ZNF609: variants seen among roughly 807,000 people sequenced by gnomAD.
The protein encoded by ZNF609 is zinc finger protein 609.
A neutral mutation model predicts 109.5 loss-of-function variants in ZNF609; 11 were observed. The ratio of observed to expected loss-of-function variants is 0.10; its 90% CI spans 0.06 to 0.17. The LOEUF is 0.17. Ranked by LOEUF, ZNF609 falls within the 10% of genes least tolerant of loss-of-function variation. The pLI is 1.00. For missense variants in ZNF609, 1,559 were observed against 1,772.4 expected (o/e 0.88, Z 2.16); for synonymous variants, 646 against 662.0 (o/e 0.98, Z 0.37).
intron 3 of ZNF609, among the ~76,000 whole-genome samples, chr15:64,656,392 A>G (rs1014937369): frequency 6.6e-6 from 1 of 152,128 alleles, no homozygotes. Context: ...ATTTTAATAT[A>G]TTAGCCCACC....
At chr15:64,651,084 C>T (rs1203324648) in intron 3 of ZNF609, among the ~76,000 whole-genome samples, 1 of 151,990 alleles carries the variant, frequency 6.6e-6, no homozygotes, top group Non-Finnish European at 1.5e-5. Flanking sequence ...GATTTACAGA[C>T]CCATCTCAAA....
chr15:64,647,096 A>G (rs1361320142), intron 3 of ZNF609, among the ~76,000 whole-genome samples: 2 of 151,822 alleles, frequency 1.3e-5, no homozygotes, highest in Non-Finnish European at 2.9e-5. Flanking sequence ...TGATCACACC[A>G]CTGCCATCCA....
intron 3 of ZNF609, among the ~76,000 whole-genome samples, chr15:64,657,021 G>T (rs926753009): frequency 6.6e-6 from 1 of 152,162 alleles, no homozygotes; most frequent in African/African-American, 2.4e-5. Context: ...CACTTTGGGA[G>T]GCTGAGGCAG....
intron 2 of ZNF609, among the ~76,000 whole-genome samples, chr15:64,541,934 T>G (rs1475952085): frequency 2.6e-5 from 4 of 152,026 alleles, no homozygotes; most frequent in Non-Finnish European, 4.4e-5. Context: ...AACGAGTCCA[T>G]TTTTTCCTTT....
At chr15:64,469,054 AAAC>A (rs1174133631) in intron 1 of ZNF609, among the ~76,000 whole-genome samples, 1 of 135,426 alleles carries the variant, frequency 7.4e-6, no homozygotes, top group South Asian at 2.2e-4. Flanking sequence ...AAAAAAAAAA[AAAC>A]AACACAATTC....
chr15:64,504,763 G>A (rs1246762948), intron 2 of ZNF609, among the ~76,000 whole-genome samples: 1 of 151,858 alleles, frequency 6.6e-6, no homozygotes, highest in Non-Finnish European at 1.5e-5. Context: ...TTACAGGCAT[G>A]AGCCACCACA....
intron 2 of ZNF609, among the ~76,000 whole-genome samples, chr15:64,524,563 CAAAAA>C (rs539781729): frequency 1.9e-3 from 185 of 99,984 alleles, no homozygotes; most frequent in Middle Eastern, 6.6e-3. Context: ...GACTCCATCT[CAAAAA>C]AAAAAAAAAA....
rs575936817 is a variant in ZNF609, at chr15:64,534,323, T to A, written c.747+34157T>A. On this transcript the variant is annotated intron_variant, in intron 2 of 9. Transcript: ENST00000326648. ...ACCACACCCAGCATTATTTATTTTT[T>A]TTTTTTAAGATAGAGTCTCGCTCTG... Among the ~76,000 whole-genome samples the A allele has an allele frequency of 6.6e-5, 10 of 151,772 alleles. No individual in the cohort carries two copies. In the East Asian group the frequency reaches 1.7e-3, roughly 27 times the overall value.
intron 1 of ZNF609, among the ~76,000 whole-genome samples, chr15:64,490,136 T>C (rs1326265905): frequency 1.3e-5 from 2 of 152,116 alleles, no homozygotes; most frequent in Non-Finnish European, 2.9e-5. Context: ...TTTTTTATTT[T>C]TATTTTTGTA....
chr15:64,529,764 C>A, intron 2 of ZNF609: 2 of 528,954 alleles, frequency 3.8e-6, no homozygotes, highest in Non-Finnish European at 7.1e-6. Context: ...GAGTTTCACT[C>A]TTGTTACCCA....
At chr15:64,625,454 A>AG (rs1895937405) in intron 3 of ZNF609, among the ~76,000 whole-genome samples, 1 of 151,718 alleles carries the variant, frequency 6.6e-6, no homozygotes, top group South Asian at 2.1e-4. Flanking sequence ...CCGGAGGTGG[A>AG]GGTTGCAGTG....
At position 64,545,806 on chromosome 15, in the gene ZNF609, C is replaced by G. The variant is rs183916938; in HGVS notation, c.747+45640C>G. Among the ~76,000 whole-genome samples, 7 of 152,262 alleles carry G rather than the reference C, an allele frequency of 4.6e-5. No individual in the cohort carries two copies. In the East Asian group the frequency reaches 1.2e-3, roughly 25 times the overall value. On this transcript the variant is annotated intron_variant, in intron 2 of 9. Coordinates refer to ENST00000326648, the MANE Select transcript of ZNF609 (RefSeq NM_015042.2). Reference sequence around the variant, plus strand: ...CAGCTTCTTTCACTTAATATAATCTCCTTGGAAGTTGTCTATGTTGTTGCA... The same window carrying G: ...CAGCTTCTTTCACTTAATATAATCTGCTTGGAAGTTGTCTATGTTGTTGCA...
chr15:64,569,577 G>T (rs185908471), intron 2 of ZNF609, among the ~76,000 whole-genome samples: 114 of 152,340 alleles, frequency 7.5e-4, no homozygotes, highest in African/African-American at 2.5e-3. Context: ...AGATACTTCT[G>T]AATATGTAAA....
At chr15:64,485,042 C>T (rs1052473050) in intron 1 of ZNF609, among the ~76,000 whole-genome samples, 1 of 152,054 alleles carries the variant, frequency 6.6e-6, no homozygotes, top group African/African-American at 2.4e-5. Flanking sequence ...TGTACTGCCA[C>T]GGAAATGCTG....
rs1333270069 is a variant in ZNF609, at chr15:64,683,254, AGT to A, written c.*1574_*1575del. 6.6e-6 allele frequency: 1 copy of A among 152,570 alleles called. No homozygotes were observed. Among genetic ancestry groups the A allele is most frequent in the African/African-American group, 2.4e-5 (1 of 41,408 alleles). The allele number at this position is 152,570 out of a possible 1,614,324, so 9.5% of individuals were successfully genotyped here. On this transcript the variant is annotated 3_prime_UTR_variant, in exon 10 of 10. Coordinates refer to ENST00000326648, the MANE Select transcript of ZNF609 (RefSeq NM_015042.2). ...GACACCAGTGTAGGCTGGAAAAGGGAGTGTGTGACCAGAGTGCCAAAAGTGAC... is the reference window on the plus strand; with the variant it reads ...GACACCAGTGTAGGCTGGAAAAGGGAGTGTGACCAGAGTGCCAAAAGTGAC...
chr15:64,474,545 T>G (rs1473015843), intron 1 of ZNF609, among the ~76,000 whole-genome samples: 1 of 152,148 alleles, frequency 6.6e-6, no homozygotes, highest in African/African-American at 2.4e-5. Flanking sequence ...TCATCTTCTA[T>G]ATATTATTGC....
At chr15:64,467,877 C>A (rs995700297) in intron 1 of ZNF609, among the ~76,000 whole-genome samples, 1 of 152,056 alleles carries the variant, frequency 6.6e-6, no homozygotes, top group African/African-American at 2.4e-5. Context: ...TTAAGTAACC[C>A]CTGTACTATA....
rs758017766 is a variant in ZNF609 at position 64,674,270 on chromosome 15, T to C, written c.1416T>C (p.Thr472=). ...RVRTNSMGSA[T]GPLPGTKVEP... ...GTACTAATTCCATGGGCTCAGCCAC[T>C]GGCCCCCTTCCTGGGACAAAGGTAG... The change falls in exon 5 of 10, where the codon ACT becomes ACC. Residue 472 remains threonine, a synonymous_variant. Coordinates refer to ENST00000326648, the MANE Select transcript of ZNF609 (RefSeq NM_015042.2). 6.2e-7 allele frequency: 1 copy of C among 1,614,184 alleles called. No homozygotes were observed. The highest frequency in any genetic ancestry group is 8.5e-7 in the Non-Finnish European group (1 of 1,180,038).
intron 3 of ZNF609, among the ~76,000 whole-genome samples, chr15:64,665,877 G>A (rs1470590731): frequency 6.6e-6 from 1 of 150,892 alleles, no homozygotes; most frequent in African/African-American, 2.4e-5. Context: ...TTGCACTCCA[G>A]TCTAGGCAAC....
Sources: gnomAD v4.1 joint callset for allele counts (sites outside exome capture counted in the v4.1 genomes callset) on GRCh38, gnomAD v4.1.1 for gene constraint, MANE v1.5 for transcripts, NCBI Gene and HGNC (gene_info 2026-07-23, HGNC 2026-07-21) for gene names.